The following TRAPPC9 variants were observed in gnomAD, a reference collection of about 807,000 sequenced individuals.
TRAPPC9 encodes IKK2 binding protein.
A neutral mutation model predicts 124.0 loss-of-function variants in TRAPPC9; 83 were observed. The ratio of observed to expected loss-of-function variants is 0.67; its 90% CI spans 0.56 to 0.80. TRAPPC9 has a LOEUF of 0.80. Ranked by LOEUF, TRAPPC9 falls within the 30% of genes least tolerant of loss-of-function variation. TRAPPC9 has a pLI of 0.00. For missense variants in TRAPPC9, 1,302 were observed against 1,508.3 expected (o/e 0.86, Z 2.27); for synonymous variants, 638 against 617.5 (o/e 1.03, Z -0.49).
intron 15 of TRAPPC9, among the ~76,000 whole-genome samples, chr8:140,270,314 C>A (rs10464982): frequency 4.6e-5 from 7 of 152,044 alleles, no homozygotes; most frequent in Admixed American, 2.6e-4. Flanking sequence ...CATTCAAAAT[C>A]GCACAGTGGT....
At position 140,287,911 on chromosome 8, in the gene TRAPPC9, T is replaced by C. The variant is rs115335164; in HGVS notation, c.1855-177A>G. ...AGTGTAACACAAAACCACCTAAACA[T>C]GGTAAGCACTGCAGGTGCTCAGGCG... On this transcript the variant is annotated intron_variant, in intron 12 of 22. Transcript: ENST00000438773. Among the ~76,000 whole-genome samples the C allele has an allele frequency of 5.5e-3, 843 of 152,266 alleles. 9 individuals carry two copies. The highest frequency in any genetic ancestry group is 0.019 in the African/African-American group (802 of 41,534).
chr8:140,323,815 C>A (rs529496849), intron 9 of TRAPPC9, among the ~76,000 whole-genome samples: 2 of 152,132 alleles, frequency 1.3e-5, no homozygotes, highest in African/African-American at 4.8e-5. Flanking sequence ...TTGAACCCAT[C>A]CACACAAAAC....
At chr8:139,789,491 T>A (rs1822504909) in intron 21 of TRAPPC9, among the ~76,000 whole-genome samples, 1 of 152,072 alleles carries the variant, frequency 6.6e-6, no homozygotes, top group Non-Finnish European at 1.5e-5. Context: ...GATATCTACA[T>A]CTCAGACCTC....
intron 17 of TRAPPC9, among the ~76,000 whole-genome samples, chr8:140,108,545 C>T (rs1052829192): frequency 1.3e-5 from 2 of 152,222 alleles, no homozygotes; most frequent in Non-Finnish European, 2.9e-5. Context: ...CACCTGGCCC[C>T]GACATCTACG....
intron 17 of TRAPPC9, among the ~76,000 whole-genome samples, chr8:140,074,768 G>A (rs1003037445): frequency 2.0e-5 from 3 of 152,130 alleles, no homozygotes; most frequent in African/African-American, 4.8e-5. Flanking sequence ...AAGAAGGGCC[G>A]CTCAGTGGAG....
intron 15 of TRAPPC9, among the ~76,000 whole-genome samples, chr8:140,266,828 C>G (rs1456059310): frequency 6.6e-6 from 1 of 152,034 alleles, no homozygotes; most frequent in Non-Finnish European, 1.5e-5. Flanking sequence ...CCACTGCACT[C>G]CAGCCTGGGC....
At chr8:140,078,012 A>G (rs964210904) in intron 17 of TRAPPC9, among the ~76,000 whole-genome samples, 2 of 152,150 alleles carry the variant, frequency 1.3e-5, no homozygotes, top group African/African-American at 4.8e-5. Flanking sequence ...AGTGTGAAAA[A>G]CCAGTAACAC....
chr8:140,288,205 A>G (rs2131741506), intron 12 of TRAPPC9, among the ~76,000 whole-genome samples: 1 of 152,278 alleles, frequency 6.6e-6, no homozygotes, highest in South Asian at 2.1e-4. Context: ...TAGCCAGGGA[A>G]GGTGGCACGC....
At chr8:139,804,273 A>T (rs1279608934) in intron 21 of TRAPPC9, among the ~76,000 whole-genome samples, 1 of 98,782 alleles carries the variant, frequency 1.0e-5, no homozygotes, top group East Asian at 3.2e-4. Context: ...CACACACACA[A>T]CCACCACCAC....
intron 17 of TRAPPC9, among the ~76,000 whole-genome samples, chr8:140,058,077 G>A (rs977731921): frequency 2.6e-5 from 4 of 152,208 alleles, no homozygotes; most frequent in African/African-American, 4.8e-5. Flanking sequence ...CATGGGGCAC[G>A]TCTACTCTGG....
chr8:140,418,305 C>T (rs2070017874), intron 5 of TRAPPC9, among the ~76,000 whole-genome samples: 1 of 152,066 alleles, frequency 6.6e-6, no homozygotes, highest in Non-Finnish European at 1.5e-5. Context: ...TCTTCATAAA[C>T]TATTCCAGAA....
intron 17 of TRAPPC9, among the ~76,000 whole-genome samples, chr8:140,160,577 T>C (rs983006983): frequency 4.9e-5 from 7 of 143,118 alleles, no homozygotes; most frequent in East Asian, 2.1e-4. Context: ...TTCTCACTCA[T>C]AGGTGGGAAT....
chr8:140,375,508 T>A (rs547736626), intron 7 of TRAPPC9, among the ~76,000 whole-genome samples: 2 of 152,320 alleles, frequency 1.3e-5, no homozygotes, highest in African/African-American at 4.8e-5. Flanking sequence ...GACTTGTCTC[T>A]GGCAGGATGG....
chr8:139,814,096 C>T (rs75632359), intron 21 of TRAPPC9, among the ~76,000 whole-genome samples: 1,846 of 152,328 alleles, frequency 0.012, 39 homozygotes, highest in African/African-American at 0.042. Flanking sequence ...CCTCTGAGCT[C>T]GAAGCCCGGC....
chr8:140,156,872 A>G (rs1180874599), intron 17 of TRAPPC9, among the ~76,000 whole-genome samples: 1 of 152,266 alleles, frequency 6.6e-6, no homozygotes, highest in African/African-American at 2.4e-5. Context: ...GAGAGCTTCA[A>G]AAAAGCAGAG....
intron 7 of TRAPPC9, among the ~76,000 whole-genome samples, chr8:140,383,296 G>A (rs886976851): frequency 2.6e-5 from 4 of 152,200 alleles, no homozygotes; most frequent in African/African-American, 9.7e-5. Context: ...ACCAGCAACG[G>A]AGCAAAGCTA....
At chr8:140,214,658 T>C (rs377601594) in intron 17 of TRAPPC9, among the ~76,000 whole-genome samples, 1 of 152,342 alleles carries the variant, frequency 6.6e-6, no homozygotes, top group South Asian at 2.1e-4. Flanking sequence ...TCAGAAAAGC[T>C]GGACTGTCTT....
rs1442373301 is a variant in TRAPPC9, at chr8:140,067,953, T to C, written c.2557-43874A>G. ...CCTGGCCCATACCCAGCCCCACACC[T>C]GCAGTGTCTGAGCAGGCATGTTTTC... On this transcript the variant is annotated intron_variant, in intron 17 of 22. Coordinates refer to ENST00000438773, the MANE Select transcript of TRAPPC9 (RefSeq NM_001160372.4). 2.0e-5 allele frequency among the ~76,000 whole-genome samples: 3 copies of C among 152,284 alleles called. No individual in the cohort carries two copies. The South Asian group carries it at 6.2e-4, about 32-fold the overall frequency.
rs567188891 is a variant in TRAPPC9 at position 139,778,497 on chromosome 8, T to C, written c.3056-46295A>G. ...AATCAAAACAGGCCCAGAACTGACA[T>C]AAATGTTAGAATTAGCAGTGAGGAC... On this transcript the variant is annotated intron_variant, in intron 21 of 22. Transcript: ENST00000438773. 1.2e-4 allele frequency among the ~76,000 whole-genome samples: 19 copies of C among 152,296 alleles called. No individual in the cohort carries two copies. The East Asian group carries it at 3.5e-3, about 28-fold the overall frequency.
Sources: gnomAD v4.1 joint callset for allele counts (sites outside exome capture counted in the v4.1 genomes callset) on GRCh38, gnomAD v4.1.1 for gene constraint, MANE v1.5 for transcripts, NCBI Gene and HGNC (gene_info 2026-07-23, HGNC 2026-07-21) for gene names.